Variants in ERC2 observed in about 807,000 individuals in gnomAD.
ERC2 encodes ERC protein 2.
In ERC2, 42 loss-of-function variants were observed where a neutral mutation model predicts 114.8. The ratio of observed to expected loss-of-function variants is 0.37; its 90% confidence interval spans 0.29 to 0.47. The LOEUF (loss-of-function observed/expected upper bound fraction) is 0.47, where lower values mean the gene tolerates loss of function less well. ERC2 is among the 20% of genes least tolerant of loss of function. The pLI is 0.99. For missense variants in ERC2, 939 were observed against 1,150.7 expected (o/e 0.82, Z 2.66); for synonymous variants, 454 against 425.5 (o/e 1.07, Z -0.82).
At chr3:56,170,763 ATT>A (rs71099618) in intron 4 of ERC2, among the ~76,000 whole-genome samples, 6 of 118,588 alleles carry the variant, frequency 5.1e-5, no homozygotes, top group Non-Finnish European at 8.3e-5. Context: ...CACCTGGCTA[ATT>A]TTTTTTTTTT....
At chr3:56,362,826 G>T (rs1222871561) in intron 2 of ERC2, among the ~76,000 whole-genome samples, 1 of 152,172 alleles carries the variant, frequency 6.6e-6, no homozygotes, top group African/African-American at 2.4e-5. Context: ...TCCAATAGCT[G>T]GAAGGAGACA....
chr3:55,587,802 A>G (rs182308577), intron 17 of ERC2, among the ~76,000 whole-genome samples: 1 of 152,288 alleles, frequency 6.6e-6, no homozygotes, highest in East Asian at 1.9e-4. Flanking sequence ...ATTCACATGT[A>G]CTATCCCACT....
intron 6 of ERC2, among the ~76,000 whole-genome samples, chr3:56,092,440 G>C (rs953296733): frequency 1.3e-5 from 2 of 152,118 alleles, no homozygotes; most frequent in African/African-American, 4.8e-5. Flanking sequence ...TAAGTGACTA[G>C]TCCAAAGTTC....
At chr3:56,465,153 C>A (rs1372271162) in intron 1 of ERC2, among the ~76,000 whole-genome samples, 2 of 152,198 alleles carry the variant, frequency 1.3e-5, no homozygotes, top group African/African-American at 4.8e-5. Context: ...AATGCCAGCA[C>A]TTTGGGAGGC....
chr3:55,676,238 C>T (rs1310724552), intron 17 of ERC2, among the ~76,000 whole-genome samples: 1 of 151,726 alleles, frequency 6.6e-6, no homozygotes, highest in Non-Finnish European at 1.5e-5. Context: ...TTCCATCTTT[C>T]TGATAACTTG....
intron 2 of ERC2, among the ~76,000 whole-genome samples, chr3:56,313,351 A>C (rs1302182054): frequency 6.6e-6 from 1 of 152,118 alleles, no homozygotes; most frequent in Non-Finnish European, 1.5e-5. Flanking sequence ...TTTATGATAC[A>C]TGAATTATAT....
intron 2 of ERC2, among the ~76,000 whole-genome samples, chr3:56,313,106 C>T (rs548468688): frequency 9.8e-4 from 127 of 129,928 alleles, no homozygotes; most frequent in African/African-American, 3.4e-3. Flanking sequence ...AAAAATGTGT[C>T]CAGCATACCA....
At chr3:56,388,857 C>T (rs934757621) in intron 2 of ERC2, among the ~76,000 whole-genome samples, 13 of 152,204 alleles carry the variant, frequency 8.5e-5, no homozygotes, top group Middle Eastern at 3.4e-3. Context: ...ATAGGTGGCA[C>T]GCCCCAAAAA....
At chr3:55,929,914 T>G (rs1362580164) in intron 13 of ERC2, among the ~76,000 whole-genome samples, 3 of 152,214 alleles carry the variant, frequency 2.0e-5, no homozygotes, top group Admixed American at 2.0e-4. Context: ...CCTGTGGAAC[T>G]GTGAGGCAAT....
intron 13 of ERC2, among the ~76,000 whole-genome samples, chr3:55,924,843 A>C (rs1039061446): frequency 6.6e-6 from 1 of 152,198 alleles, no homozygotes; most frequent in Admixed American, 6.5e-5. Flanking sequence ...ATTCAAATCC[A>C]TTCAAAATGA....
At chr3:55,680,898 T>C (rs912745086) in intron 17 of ERC2, among the ~76,000 whole-genome samples, 2 of 152,178 alleles carry the variant, frequency 1.3e-5, no homozygotes, top group Non-Finnish European at 2.9e-5. Flanking sequence ...ACATAATTAG[T>C]GGCGCTGAGG....
intron 17 of ERC2, among the ~76,000 whole-genome samples, chr3:55,546,449 T>C (rs1416629569): frequency 1.3e-5 from 2 of 152,232 alleles, no homozygotes; most frequent in Non-Finnish European, 2.9e-5. Context: ...CATCATTTTC[T>C]GACATGCAGC....
intron 3 of ERC2, among the ~76,000 whole-genome samples, chr3:56,211,904 G>A (rs1230270839): frequency 1.3e-5 from 2 of 152,112 alleles, no homozygotes; most frequent in Non-Finnish European, 2.9e-5. Context: ...GTCACATGTA[G>A]AAGAATGAAA....
intron 14 of ERC2, among the ~76,000 whole-genome samples, chr3:55,774,983 G>A (rs1273552308): frequency 6.6e-6 from 1 of 152,136 alleles, no homozygotes; most frequent in Admixed American, 6.5e-5. Flanking sequence ...CTCACTCCCA[G>A]GTCTAACTAA....
At chr3:56,035,918 T>A (rs988312140) in intron 7 of ERC2, among the ~76,000 whole-genome samples, 3 of 151,790 alleles carry the variant, frequency 2.0e-5, no homozygotes, top group Non-Finnish European at 2.9e-5. Flanking sequence ...GAAAAAAAAA[T>A]TACAGTCCAA....
At chr3:56,454,053 G>A (rs993242598) in intron 1 of ERC2, among the ~76,000 whole-genome samples, 1 of 152,136 alleles carries the variant, frequency 6.6e-6, no homozygotes, top group Non-Finnish European at 1.5e-5. Flanking sequence ...ATGGCTGTGT[G>A]ACTTACAGAT....
intron 1 of ERC2, among the ~76,000 whole-genome samples, chr3:56,440,866 A>G (rs377324581): frequency 1.3e-5 from 2 of 152,220 alleles, no homozygotes; most frequent in African/African-American, 2.4e-5. Context: ...AAGTATTTTT[A>G]TAACACAAGA....
chr3:56,114,916 A>T (rs759494649), intron 6 of ERC2, among the ~76,000 whole-genome samples: 17 of 152,210 alleles, frequency 1.1e-4, no homozygotes, highest in Admixed American at 2.0e-4. Flanking sequence ...TTGTAAAGCC[A>T]ACAAATTAGC....
At chr3:55,680,648 G>A (rs1041835195) in intron 17 of ERC2, among the ~76,000 whole-genome samples, 1 of 152,170 alleles carries the variant, frequency 6.6e-6, no homozygotes, top group Non-Finnish European at 1.5e-5. Flanking sequence ...GGTTTGGGGG[G>A]TTGGTGGTGA....
Sources: gnomAD v4.1 joint callset for allele counts (sites outside exome capture counted in the v4.1 genomes callset) on GRCh38, gnomAD v4.1.1 for gene constraint, MANE v1.5 for transcripts, NCBI Gene and HGNC (gene_info 2026-07-23, HGNC 2026-07-21) for gene names.